The following DOCK1 variants were observed in gnomAD, a reference collection of about 807,000 sequenced individuals.
DOCK1 encodes the protein dedicator of cytokinesis 1, also known as dedicator of cytokinesis protein 1.
Under a neutral mutation model 262.7 loss-of-function variants are expected in DOCK1, and 138 were observed. That is an observed-to-expected ratio of 0.53 (90% CI 0.46 to 0.61). DOCK1 has a LOEUF of 0.61. DOCK1 is among the 20% of genes least tolerant of loss of function. The pLI, the probability that DOCK1 is intolerant of heterozygous loss-of-function variation, is 0.00. For synonymous variants in DOCK1, 866 were observed against 867.4 expected (o/e 1.00, Z 0.03); for missense variants, 1,908 against 2,370.7 (o/e 0.80, Z 4.05).
chr10:127,350,301 G>A (rs1240145857), intron 31 of DOCK1, among the ~76,000 whole-genome samples: 2 of 89,984 alleles, frequency 2.2e-5, no homozygotes, highest in East Asian at 2.3e-4. Flanking sequence ...CTCTGCTCAC[G>A]GTGCACCCCT....
At chr10:127,342,312 A>G (rs1394091366) in intron 30 of DOCK1, among the ~76,000 whole-genome samples, 1 of 152,204 alleles carries the variant, frequency 6.6e-6, no homozygotes, top group South Asian at 2.1e-4. Flanking sequence ...CTTGTATTTT[A>G]TTGACTGGCA....
chr10:127,264,815 C>T (rs574782779), intron 29 of DOCK1, among the ~76,000 whole-genome samples: 3 of 152,166 alleles, frequency 2.0e-5, no homozygotes, highest in African/African-American at 7.2e-5. Context: ...CACATACCAC[C>T]GTGCCCAGCT....
intron 23 of DOCK1, among the ~76,000 whole-genome samples, chr10:127,063,193 C>T (rs566134424): frequency 3.1e-4 from 47 of 152,318 alleles, no homozygotes; most frequent in Middle Eastern, 3.4e-3. Flanking sequence ...TGGTAGACGC[C>T]TCTGTTCTTC....
intron 24 of DOCK1, among the ~76,000 whole-genome samples, chr10:127,109,185 A>G (rs2048720311): frequency 6.6e-6 from 1 of 152,180 alleles, no homozygotes; most frequent in Non-Finnish European, 1.5e-5. Context: ...ACATTCTACC[A>G]GTATACGTTG....
intron 23 of DOCK1, 84 bp downstream of exon 23, chr10:127,061,860 G>T: frequency 1.9e-5 from 18 of 933,252 alleles, no homozygotes; most frequent in South Asian, 7.0e-5. Flanking sequence ...TTTGATTACA[G>T]TTAATTAACT....
rs2044098734 is a variant in DOCK1, at chr10:127,042,710, C to T, written c.2096C>T (p.Ala699Val). The T allele has an allele frequency of 1.2e-6, 2 of 1,613,820 alleles. No homozygotes were observed. The highest frequency in any genetic ancestry group is 1.1e-5 in the South Asian group (1 of 91,074). The change falls in exon 20 of 52, where the codon GCT (alanine) becomes GTT (valine). Residue 699 changes from alanine (A) to valine (V), a missense_variant. Coordinates refer to ENST00000623213, the MANE Select transcript of DOCK1 (RefSeq NM_001290223.2). ...ACTTTTGACACGTTAGTCTTTGATG[C>T]TCTGGTAAGAGAGCTTTCCTTCTCA... The part of the protein sequence containing the change: ...SETFDTLVFD[A>V]LVFIIGLIAD...
At chr10:127,227,314 G>C (rs988888841) in intron 27 of DOCK1, among the ~76,000 whole-genome samples, 1 of 152,206 alleles carries the variant, frequency 6.6e-6, no homozygotes, top group African/African-American at 2.4e-5. Context: ...GGATGCCTGT[G>C]GGGAGTAGGG....
intron 29 of DOCK1, among the ~76,000 whole-genome samples, chr10:127,319,425 G>A (rs2062423428): frequency 6.6e-6 from 1 of 152,188 alleles, no homozygotes; most frequent in Admixed American, 6.5e-5. Context: ...ACTTGCATGT[G>A]TTCGGCGGGC....
intron 29 of DOCK1, among the ~76,000 whole-genome samples, chr10:127,312,977 G>T (rs2062120334): frequency 6.6e-6 from 1 of 152,170 alleles, no homozygotes; most frequent in Admixed American, 6.5e-5. Flanking sequence ...CACTCCCCTA[G>T]CCTGGCCATT....
Position 127,125,601 on chromosome 10 carries a change from G to T in DOCK1, c.2751G>T (p.Val917=). ...TGGAGGTGCTGTACAGGAAGGACGT[G>T]GTGAGTGTTGGCTCTGTGCGTGACG... ...HILEVLYRKD[V]GPTQRHVQII... is the part of the protein sequence containing the mutation. Residue 917 remains valine, a splice_region_variant and synonymous_variant, in exon 26 of 52, where the codon GTG becomes GTT. Transcript: ENST00000623213. 6.2e-7 allele frequency: 1 copy of T among 1,613,382 alleles called. No individual in the cohort carries two copies. Among genetic ancestry groups the T allele is most frequent in the Non-Finnish European group, 8.5e-7 (1 of 1,179,706 alleles).
At chr10:127,047,935 T>C (rs2044455493) in intron 21 of DOCK1, among the ~76,000 whole-genome samples, 1 of 152,254 alleles carries the variant, frequency 6.6e-6, no homozygotes, top group African/African-American at 2.4e-5. Flanking sequence ...ACATGAAGTG[T>C]TTCTAGTTTT....
At chr10:127,133,587 T>C (rs548309823) in intron 27 of DOCK1, among the ~76,000 whole-genome samples, 5 of 152,354 alleles carry the variant, frequency 3.3e-5, no homozygotes, top group South Asian at 4.1e-4. Context: ...GTGACCCTGG[T>C]ATTTTTTCAA....
At chr10:126,925,154 T>G (rs931687672) in intron 1 of DOCK1, among the ~76,000 whole-genome samples, 15 of 152,216 alleles carry the variant, frequency 9.9e-5, no homozygotes, top group Non-Finnish European at 1.5e-5. Context: ...TGTTGAGTCT[T>G]GTTTTCAGTT....
At chr10:127,153,778 C>T (rs1017490313) in intron 27 of DOCK1, 10 of 1,165,388 alleles carry the variant, frequency 8.6e-6, no homozygotes, top group African/African-American at 6.1e-5. Flanking sequence ...GGCCCCAGAT[C>T]GTTCTTGCAT....
chr10:127,170,438 T>C (rs2054463926), intron 27 of DOCK1, among the ~76,000 whole-genome samples: 1 of 152,228 alleles, frequency 6.6e-6, no homozygotes, highest in African/African-American at 2.4e-5. Context: ...ATTCTGATCA[T>C]GTGCTTGATA....
At chr10:127,224,597 G>A (rs2058567482) in intron 27 of DOCK1, among the ~76,000 whole-genome samples, 3 of 151,212 alleles carry the variant, frequency 2.0e-5, no homozygotes, top group South Asian at 2.1e-4. Context: ...GTGCATGCCT[G>A]TAGTCCCAGC....
At position 127,279,173 on chromosome 10, in the gene DOCK1, A is replaced by G. The variant is rs79550364; in HGVS notation, c.3044+21744A>G. On this transcript the variant is annotated intron_variant, in intron 29 of 51. Transcript: ENST00000623213. Reference sequence around the variant, plus strand: ...TCATGGTGCCTTAAAACAGCTTGAAATGCCCCAAATTACTAGACTTGTAGG... The same window carrying G: ...TCATGGTGCCTTAAAACAGCTTGAAGTGCCCCAAATTACTAGACTTGTAGG... Among the ~76,000 whole-genome samples, 494 of 152,366 alleles carry G rather than the reference A, an allele frequency of 3.2e-3. 2 individuals carry two copies. The highest frequency in any genetic ancestry group is 0.01 in the African/African-American group (427 of 41,586).
intron 1 of DOCK1, among the ~76,000 whole-genome samples, chr10:126,946,040 G>T (rs973933501): frequency 9.9e-5 from 15 of 152,104 alleles, no homozygotes; most frequent in South Asian, 4.1e-4. Flanking sequence ...ACCATGCAGG[G>T]TATCCACTGT....
At chr10:127,410,344 A>T (rs114777224) in intron 42 of DOCK1, among the ~76,000 whole-genome samples, 87 of 152,180 alleles carry the variant, frequency 5.7e-4, no homozygotes, top group African/African-American at 2.0e-3. Context: ...AGTGCAGGGG[A>T]GAAATCAGTC....
Sources: allele counts gnomAD v4.1 joint callset (sites outside exome capture counted in the v4.1 genomes callset), GRCh38; gene constraint gnomAD v4.1.1; transcripts MANE v1.5; gene names NCBI Gene and HGNC (gene_info 2026-07-23, HGNC 2026-07-21).